The following RNF38 variants were observed in gnomAD, a reference collection of about 807,000 sequenced individuals.
RNF38 encodes the protein ring finger protein 38, also known as E3 ubiquitin-protein ligase RNF38.
A neutral mutation model predicts 67.2 loss-of-function variants in RNF38; 15 were observed. The observed-to-expected ratio is 0.22, with a 90% CI of 0.15 to 0.34. RNF38 has a LOEUF of 0.34. RNF38 is among the 10% of genes least tolerant of loss of function. RNF38 has a pLI of 1.00. For missense variants in RNF38, 524 were observed against 639.9 expected (o/e 0.82, Z 1.95); for synonymous variants, 220 against 218.8 (o/e 1.01, Z -0.05).
intron 1 of RNF38, among the ~76,000 whole-genome samples, chr9:36,462,736 A>C (rs1339667800): frequency 6.6e-6 from 1 of 150,692 alleles, no homozygotes; most frequent in Non-Finnish European, 1.5e-5. Context: ...GATCAGTGGC[A>C]TGATCTCAGC....
At chr9:36,399,927 TTTAAG>T (rs1564044343) in intron 1 of RNF38, among the ~76,000 whole-genome samples, 165 bp downstream of exon 1, 1 of 152,188 alleles carries the variant, frequency 6.6e-6, no homozygotes, top group East Asian at 1.9e-4. Flanking sequence ...TTTGTATACA[TTTAAG>T]TTTTCATACG....
In RNF38 at chr9:36,383,826, G is replaced by A. The variant is rs1394456689; in HGVS notation, c.162+6641C>T. 6.0e-5 allele frequency among the ~76,000 whole-genome samples: 9 copies of A among 149,890 alleles called. No individual in the cohort carries two copies. The East Asian group carries it at 1.4e-3, about 23-fold the overall frequency. ...TGCCAAGTTTTTTTTTTTTTAAACC[G>A]AAGCCCAAAGAAAATAACAGTTTGA... is the stretch of plus-strand genomic sequence containing the variant. On this transcript the variant is annotated intron_variant, in intron 2 of 11. Coordinates refer to ENST00000259605, the MANE Select transcript of RNF38 (RefSeq NM_022781.5).
intron 1 of RNF38, among the ~76,000 whole-genome samples, chr9:36,435,670 G>C (rs1839046715): frequency 6.6e-6 from 1 of 151,022 alleles, no homozygotes; most frequent in South Asian, 2.1e-4. Context: ...GCCCAGGCTG[G>C]AGTGGCTGGA....
At chr9:36,451,835 TA>T (rs1327330347) in intron 1 of RNF38, among the ~76,000 whole-genome samples, 4 of 151,758 alleles carry the variant, frequency 2.6e-5, no homozygotes, top group Non-Finnish European at 5.9e-5. Flanking sequence ...GGAAAGGCAA[TA>T]TATAGTAAAG....
chr9:36,408,985 G>A (rs773802498), intron 2 of RNF38, among the ~76,000 whole-genome samples: 3 of 152,100 alleles, frequency 2.0e-5, no homozygotes, highest in South Asian at 2.1e-4. Flanking sequence ...TCAGGAGTTC[G>A]AGGCCAGCCT....
In RNF38 at chr9:36,390,218, G is replaced by C. The variant is rs187320799; in HGVS notation, c.162+249C>G. 2.6e-3 allele frequency among the ~76,000 whole-genome samples: 395 copies of C among 152,186 alleles called. 1 individual carries two copies. The highest frequency in any genetic ancestry group is 6.6e-3 in the South Asian group (32 of 4,820). On this transcript the variant is annotated intron_variant, in intron 2 of 11. Transcript: ENST00000259605. ...TGACCTATTAGGACAAGTGATTTAA[G>C]ACCAAAAGATCAAAACACAAGAATA... is the stretch of plus-strand genomic sequence containing the variant.
intron 9 of RNF38, among the ~76,000 whole-genome samples, chr9:36,347,280 TAA>T (rs1472240576): frequency 6.6e-6 from 1 of 152,170 alleles, no homozygotes; most frequent in African/African-American, 2.4e-5. Flanking sequence ...CAGAATATGT[TAA>T]GTTCTTACAG....
chr9:36,387,066 T>C (rs992772363), intron 2 of RNF38, among the ~76,000 whole-genome samples: 2 of 152,098 alleles, frequency 1.3e-5, no homozygotes, highest in African/African-American at 4.8e-5. Flanking sequence ...GCCTCCCAAA[T>C]TGCTGGGATT....
intron 1 of RNF38, among the ~76,000 whole-genome samples, chr9:36,447,684 T>C (rs542574271): frequency 2.0e-5 from 3 of 152,160 alleles, no homozygotes; most frequent in Non-Finnish European, 4.4e-5. Flanking sequence ...GGATACTTGG[T>C]ACAGTATTCA....
chr9:36,394,609 T>C (rs1222148432), intron 1 of RNF38, among the ~76,000 whole-genome samples: 1 of 152,224 alleles, frequency 6.6e-6, no homozygotes, highest in Non-Finnish European at 1.5e-5. Flanking sequence ...TGCCAGAAAC[T>C]GAACTGGGCT....
chr9:36,361,212 C>T (rs565552446), intron 4 of RNF38, among the ~76,000 whole-genome samples: 74 of 151,926 alleles, frequency 4.9e-4, no homozygotes, highest in African/African-American at 1.7e-3. Context: ...AGTGCAGTGG[C>T]GTGATCTCGG....
intron 1 of RNF38, among the ~76,000 whole-genome samples, chr9:36,396,563 CA>C (rs1377760330): frequency 5.9e-5 from 9 of 151,998 alleles, no homozygotes; most frequent in African/African-American, 2.2e-4. Context: ...CAGTGTGGAG[CA>C]GGGGTACTCA....
At chr9:36,355,590 A>G (rs999517526) in intron 6 of RNF38, among the ~76,000 whole-genome samples, 5 of 152,190 alleles carry the variant, frequency 3.3e-5, no homozygotes, top group African/African-American at 1.2e-4. Flanking sequence ...TCTAACAAGT[A>G]TTAATAATTT....
chr9:36,406,155 G>A (rs931917777), upstream of RNF38, among the ~76,000 whole-genome samples: 1 of 152,166 alleles, frequency 6.6e-6, no homozygotes, highest in African/African-American at 2.4e-5. Flanking sequence ...CACCGATGTT[G>A]GGGGGAAGAA....
chr9:36,400,430 A>C (rs576760095), upstream of RNF38: 2 of 1,099,010 alleles, frequency 1.8e-6, no homozygotes, highest in South Asian at 7.2e-5. Flanking sequence ...CACCGCGGGA[A>C]CAAAGAGCGC....
intron 2 of RNF38, among the ~76,000 whole-genome samples, chr9:36,388,270 GC>G (rs1836795351): frequency 6.6e-6 from 1 of 151,864 alleles, no homozygotes; most frequent in Non-Finnish European, 1.5e-5. Context: ...ATAGATGTCT[GC>G]TTTACATTTT....
intron 1 of RNF38, among the ~76,000 whole-genome samples, chr9:36,469,905 GGAGATC>G (rs747342722): frequency 2.0e-5 from 3 of 152,148 alleles, no homozygotes; most frequent in Non-Finnish European, 2.9e-5. Flanking sequence ...TGGAGCCTGG[GGAGATC>G]GAGACTGCAG....
intron 2 of RNF38, among the ~76,000 whole-genome samples, chr9:36,377,524 A>T (rs963280556): frequency 2.6e-5 from 4 of 152,204 alleles, no homozygotes; most frequent in African/African-American, 9.6e-5. Flanking sequence ...ATTATAATCA[A>T]TTTTATTATC....
chr9:36,434,052 A>C (rs1838999653), intron 1 of RNF38, among the ~76,000 whole-genome samples: 1 of 151,662 alleles, frequency 6.6e-6, no homozygotes, highest in South Asian at 2.1e-4. Flanking sequence ...CCTAGCCAAC[A>C]TGGTGAAACC....
Sources: gnomAD v4.1 joint callset for allele counts (sites outside exome capture counted in the v4.1 genomes callset) on GRCh38, gnomAD v4.1.1 for gene constraint, MANE v1.5 for transcripts, NCBI Gene and HGNC (gene_info 2026-07-23, HGNC 2026-07-21) for gene names.